The following ABCB9 variants were observed in gnomAD, a reference collection of about 807,000 sequenced individuals.
ABCB9 encodes the protein ABC-type oligopeptide transporter ABCB9.
In ABCB9, 36 loss-of-function variants were observed where a neutral mutation model predicts 62.0. That is an observed-to-expected ratio of 0.58 (90% confidence interval 0.45 to 0.77). ABCB9 has a LOEUF of 0.77. ABCB9 is among the 30% of genes least tolerant of loss of function. The pLI is 0.00. For synonymous variants in ABCB9, 435 were observed against 461.4 expected (o/e 0.94, Z 0.73); for missense variants, 943 against 1,054.7 (o/e 0.89, Z 1.47).
chr12:122,962,727 G>C (rs2036973244), intron 1 of ABCB9, among the ~76,000 whole-genome samples: 3 of 152,068 alleles, frequency 2.0e-5, no homozygotes, highest in Admixed American at 2.0e-4. Context: ...CAAGCAGACA[G>C]GGATGTAACA....
upstream of ABCB9, among the ~76,000 whole-genome samples, chr12:122,967,634 G>A (rs2037215160): frequency 6.6e-6 from 1 of 152,210 alleles, no homozygotes; most frequent in Admixed American, 6.5e-5. Flanking sequence ...GATTACAGGT[G>A]TCCGCTACCA....
At chr12:122,941,082 G>C in intron 7 of ABCB9, 87 bp from the exon 8 acceptor site, 1 of 1,413,076 alleles carries the variant, frequency 7.1e-7, no homozygotes, top group South Asian at 1.4e-5. Flanking sequence ...CAGGTATAGG[G>C]AAAGCAAGGA....
chr12:122,953,534 C>CCTG (rs767783514), intron 2 of ABCB9, among the ~76,000 whole-genome samples: 8 of 152,090 alleles, frequency 5.3e-5, no homozygotes, highest in Non-Finnish European at 1.0e-4. Flanking sequence ...ATTACAGACA[C>CCTG]CTGCCATTGC....
intron 1 of ABCB9, among the ~76,000 whole-genome samples, chr12:122,972,192 C>T (rs1010634876): frequency 6.6e-6 from 1 of 151,182 alleles, no homozygotes; most frequent in Non-Finnish European, 1.5e-5. Flanking sequence ...CTACAGACGC[C>T]AGCCACCGCG....
intron 10 of ABCB9, among the ~76,000 whole-genome samples, chr12:122,933,860 T>C (rs1338532835): frequency 6.6e-6 from 1 of 152,076 alleles, no homozygotes. Context: ...AGTTAACATA[T>C]ACATTATCTC....
At chr12:122,963,265 T>C (rs2037007603) in intron 1 of ABCB9, among the ~76,000 whole-genome samples, 1 of 152,144 alleles carries the variant, frequency 6.6e-6, no homozygotes, top group Non-Finnish European at 1.5e-5. Context: ...GCCACTGCAC[T>C]CCAGCCTGGG....
rs1463718837 is a variant in ABCB9, at chr12:122,932,285, C to T, written c.1947G>A (p.Gln649=). The change falls in exon 11 of 12, where the codon CAG becomes CAA. Residue 649 remains glutamine, a synonymous_variant. Transcript: ENST00000280560. The surrounding 1 kb of genome is among the most constrained non-coding windows in gnomAD (Gnocchi z 4.7). ...CCAGAGCCCGGGCCATGGCCACCCGCTGCTTCTGGCCACCTGACAGCTGGG... is the reference window on the plus strand; with the variant it reads ...CCAGAGCCCGGGCCATGGCCACCCGTTGCTTCTGGCCACCTGACAGCTGGG... ...KGAQLSGGQK[Q]RVAMARALVR... 1 of 1,551,402 alleles carries T rather than the reference C, an allele frequency of 6.4e-7. No individual in the cohort carries two copies. Among genetic ancestry groups the T allele is most frequent in the Admixed American group, 2.0e-5 (1 of 51,024 alleles).
In ABCB9 at chr12:122,940,176, C is replaced by G. The variant is rs756182750; in HGVS notation, c.1678G>C (p.Gly560Arg). 1.1e-5 allele frequency: 18 copies of G among 1,613,796 alleles called. No individual in the cohort carries two copies. Among genetic ancestry groups the G allele is most frequent in the Middle Eastern group, 1.7e-4 (1 of 6,060 alleles). The change falls in exon 9 of 12, where the codon GGG becomes CGG. Residue 560 changes from glycine to arginine, a missense_variant. Gly to Arg is a moderately radical substitution (Grantham distance 125, BLOSUM62 -2). Transcript: ENST00000280560. The surrounding 1 kb of genome is among the most constrained non-coding windows in gnomAD (Gnocchi z 4.8). ...NILENFYPLE[G>R]GRVLLDGKPI... is the part of the protein sequence containing the mutation. The stretch of plus-strand genomic sequence containing the variant: ...TTGCCGTCCAGCAGCACCCGGCCCC[C>G]CTCCAGGGGGTAGAAGTTCTCCAGG...
rs114585376 is a variant in ABCB9 at position 122,929,193 on chromosome 12, G to A, written c.*718C>T. 8.8e-4 allele frequency: 868 copies of A among 986,066 alleles called. 7 individuals carry two copies. The African/African-American group carries it at 0.014, about 16-fold the overall frequency. The allele number at this position is 986,066 out of a possible 1,614,324, so 61.1% of individuals were successfully genotyped here. A position where few individuals can be genotyped will look rare whatever the true frequency, so the allele number is the denominator to read the frequency against. On this transcript the variant is annotated 3_prime_UTR_variant, in exon 12 of 12. Transcript: ENST00000280560. This position sits in a 1 kb window ranked among gnomAD's most constrained non-coding sequence, Gnocchi z 6.0. Reference sequence around the variant, plus strand: ...GGAGGCTGCCAGCCAGGGGTGGGTGGACGAGGGGCGAAAGCGCTGGGTGCC... The same window carrying A: ...GGAGGCTGCCAGCCAGGGGTGGGTGAACGAGGGGCGAAAGCGCTGGGTGCC...
chr12:122,948,873 T>G, intron 4 of ABCB9, 44 bp from the exon 5 acceptor site: 1 of 1,439,996 alleles, frequency 6.9e-7, no homozygotes, highest in Non-Finnish European at 9.2e-7. Context: ...AACCCGGGCC[T>G]TGGGGGTGGC....
At chr12:122,946,953 G>A (rs934469060) in intron 5 of ABCB9, among the ~76,000 whole-genome samples, 1 of 152,244 alleles carries the variant, frequency 6.6e-6, no homozygotes, top group African/African-American at 2.4e-5. Context: ...AGCATGCACT[G>A]GCATGTCCCA....
intron 11 of ABCB9, among the ~76,000 whole-genome samples, chr12:122,923,215 G>A (rs1342934412): frequency 2.6e-5 from 4 of 152,164 alleles, no homozygotes; most frequent in Admixed American, 6.5e-5. Context: ...CAATCCTCCC[G>A]TTTCAGGCTC....
At chr12:122,954,097 A>T (rs2036502556) in intron 2 of ABCB9, among the ~76,000 whole-genome samples, 1 of 151,064 alleles carries the variant, frequency 6.6e-6, no homozygotes, top group South Asian at 2.1e-4. Context: ...TGAGCTGGAG[A>T]GGTCAAGGCT....
At chr12:122,960,793 T>C (rs916188370) in intron 1 of ABCB9, among the ~76,000 whole-genome samples, 6 of 148,820 alleles carry the variant, frequency 4.0e-5, no homozygotes, top group Non-Finnish European at 7.4e-5. Flanking sequence ...AAGGAAATAA[T>C]GTGTGTCTTG....
At chr12:122,962,787 G>A (rs1212759200) in intron 1 of ABCB9, among the ~76,000 whole-genome samples, 1 of 152,130 alleles carries the variant, frequency 6.6e-6, no homozygotes, top group Non-Finnish European at 1.5e-5. Flanking sequence ...AAATCCAGGT[G>A]GCCCCACCTA....
rs939062152 is a variant in ABCB9, at chr12:122,964,968, T to C, written c.-88+1319A>G. Reference sequence around the variant, plus strand: ...AGGCCAGAAGACGATAGATAGCAGTTATTATGACGCTGCAACAGAGACCCT... The same window carrying C: ...AGGCCAGAAGACGATAGATAGCAGTCATTATGACGCTGCAACAGAGACCCT... On this transcript the variant is annotated intron_variant, in intron 1 of 11. Transcript: ENST00000280560. This position sits in a 1 kb window ranked among gnomAD's most constrained non-coding sequence, Gnocchi z 4.7. Among the ~76,000 whole-genome samples the C allele has an allele frequency of 6.6e-6, 1 of 152,156 alleles. No homozygotes were observed. The highest frequency in any genetic ancestry group is 2.4e-5 in the African/African-American group (1 of 41,414).
rs146217856 is a variant in ABCB9, at chr12:122,943,942, G to C, written c.1380+449C>G. Among the ~76,000 whole-genome samples the C allele has an allele frequency of 1.8e-3, 275 of 151,644 alleles. 2 individuals carry two copies. Among genetic ancestry groups the C allele is most frequent in the African/African-American group, 6.6e-3 (271 of 41,294 alleles). ...AGGCACATGCCACCATACTCGGCTTGCCTATTTATTTATCAAGACGGAGTC... is the reference window on the plus strand; with the variant it reads ...AGGCACATGCCACCATACTCGGCTTCCCTATTTATTTATCAAGACGGAGTC... On this transcript the variant is annotated intron_variant, in intron 7 of 11. Transcript: ENST00000280560.
chr12:122,974,506 T>C (rs2037348527), intron 1 of ABCB9: 1 of 152,134 alleles, frequency 6.6e-6, no homozygotes, highest in Admixed American at 6.6e-5. Flanking sequence ...GACGGTGATA[T>C]AATAGTACCT....
chr12:122,934,640 CAAA>C (rs371538708), intron 10 of ABCB9, among the ~76,000 whole-genome samples: 4 of 88,096 alleles, frequency 4.5e-5, no homozygotes, highest in Admixed American at 1.3e-4. Context: ...GCCCCTGCCT[CAAA>C]AAAAAAAAAA....
Sources: gnomAD v4.1 joint callset for allele counts (sites outside exome capture counted in the v4.1 genomes callset) on GRCh38, gnomAD v4.1.1 for gene constraint, Gnocchi (gnomAD v3.1) non-coding constraint, MANE v1.5 for transcripts, NCBI Gene and HGNC (gene_info 2026-07-23, HGNC 2026-07-21) for gene names.